VPS13B: variants seen among roughly 807,000 people sequenced by gnomAD.
The protein encoded by VPS13B is intermembrane lipid transfer protein VPS13B.
Under a neutral mutation model 426.4 loss-of-function variants are expected in VPS13B, and 285 were observed. The observed-to-expected ratio is 0.67, with a 90% CI of 0.61 to 0.74. VPS13B has a LOEUF of 0.74. Among genes scored for constraint, VPS13B ranks in the 30% least tolerant of loss-of-function variants. The pLI is 0.00. For missense variants in VPS13B, 4,537 were observed against 4,782.6 expected, an observed-to-expected ratio of 0.95 and a Z score of 1.51; for synonymous variants, 1,676 against 1,676.4, an observed-to-expected ratio of 1.00 and a Z score of 0.01.
At chr8:99,850,034 T>C (rs1008189246) in intron 55 of VPS13B, among the ~76,000 whole-genome samples, 4 of 2,082 alleles carry the variant, frequency 1.9e-3, no homozygotes, top group Admixed American at 0.01. Context: ...TAAGTACGCA[T>C]GTATGTACTT....
At chr8:99,015,438 G>A (rs1005497598) in intron 2 of VPS13B, among the ~76,000 whole-genome samples, 1 of 150,704 alleles carries the variant, frequency 6.6e-6, no homozygotes, top group East Asian at 2.0e-4. Context: ...GGATGGTCTC[G>A]ATCTCCTGAC....
At chr8:99,282,185 C>T (rs1339064560) in intron 19 of VPS13B, among the ~76,000 whole-genome samples, 2 of 152,080 alleles carry the variant, frequency 1.3e-5, no homozygotes, top group African/African-American at 4.8e-5. Context: ...TTTACAAAAG[C>T]CTCCACCACC....
intron 19 of VPS13B, chr8:99,347,588 G>T (rs1811610547): frequency 6.6e-6 from 1 of 152,280 alleles, no homozygotes; most frequent in South Asian, 2.1e-4. Context: ...CAGTACGCGT[G>T]TGCCACCTTC....
At chr8:99,703,292 A>G (rs942175287) in intron 36 of VPS13B, among the ~76,000 whole-genome samples, 3 of 152,114 alleles carry the variant, frequency 2.0e-5, no homozygotes, top group African/African-American at 7.2e-5. Context: ...TTAACCCTAA[A>G]CTATGGGAGT....
intron 35 of VPS13B, among the ~76,000 whole-genome samples, chr8:99,680,953 A>G (rs965391529): frequency 1.3e-5 from 2 of 152,224 alleles, no homozygotes; most frequent in African/African-American, 2.4e-5. Context: ...TTTTAAAAGT[A>G]TCAAAAAACA....
intron 30 of VPS13B, among the ~76,000 whole-genome samples, chr8:99,537,996 A>T (rs1025963220): frequency 6.6e-6 from 1 of 152,194 alleles, no homozygotes; most frequent in African/African-American, 2.4e-5. Context: ...CTCATGAAAG[A>T]GATTATTCAA....
chr8:99,121,384 CTT>C lies in VPS13B; in HGVS notation c.1147_1148del (p.Leu383GlufsTer26). On this transcript the variant is annotated frameshift_variant, in exon 8 of 62. Coordinates refer to ENST00000357162, the MANE Select transcript of VPS13B (RefSeq NM_152564.5). LOFTEE classifies it high-confidence loss of function. ...ACCATGCATCAACAAAAAGCACAGA[CTT>C]TGAAGGATCCTATTGTTTCTATAGG... The C allele has an allele frequency of 6.2e-7, 1 of 1,614,176 alleles. No homozygotes were observed. Among genetic ancestry groups the C allele is most frequent in the Non-Finnish European group, 8.5e-7 (1 of 1,180,020 alleles).
At chr8:99,473,971 C>CGTTG (rs1819548979) in intron 24 of VPS13B, among the ~76,000 whole-genome samples, 1 of 152,028 alleles carries the variant, frequency 6.6e-6, no homozygotes, top group African/African-American at 2.4e-5. Flanking sequence ...AACCATAAAG[C>CGTTG]GTTGCTGAGA....
At chr8:99,326,312 C>T (rs951626663) in intron 19 of VPS13B, among the ~76,000 whole-genome samples, 4 of 151,932 alleles carry the variant, frequency 2.6e-5, no homozygotes, top group Admixed American at 1.3e-4. Flanking sequence ...TCTTATTTCC[C>T]AACTATATTC....
chr8:99,186,421 T>C (rs528993444), intron 16 of VPS13B, among the ~76,000 whole-genome samples: 34 of 152,098 alleles, frequency 2.2e-4, no homozygotes, highest in Non-Finnish European at 4.7e-4. Context: ...CTTTAAAAAA[T>C]TTTTTGAGGT....
chr8:99,119,573 A>G (rs1588058411), intron 7 of VPS13B: 1 of 152,078 alleles, frequency 6.6e-6, no homozygotes, highest in South Asian at 2.1e-4. Context: ...TGCACCTTAT[A>G]TAAAACTTAT....
Position 99,720,931 on chromosome 8 carries a change from A to G in VPS13B, c.6934A>G (p.Met2312Val), listed in dbSNP as rs1218594547. ...YNETEDCPGM[M>V]LWRYPEPRVL... Reference sequence around the variant, plus strand: ...TGAAACTGAAGATTGCCCAGGGATGATGTTATGGAGATATCCAGAACCTAG... The same window carrying G: ...TGAAACTGAAGATTGCCCAGGGATGGTGTTATGGAGATATCCAGAACCTAG... Residue 2312 changes from methionine to valine, a missense_variant, in exon 39 of 62, where the codon ATG becomes GTG. Around this residue, in one of 2 missense-constraint regions of VPS13B, gnomAD observed 4,311 missense variants for 4,474.3 expected, o/e 0.96. Coordinates refer to ENST00000357162, the MANE Select transcript of VPS13B (RefSeq NM_152564.5). 1 of 1,613,924 alleles carries G rather than the reference A, an allele frequency of 6.2e-7. No individual in the cohort carries two copies. The highest frequency in any genetic ancestry group is 1.7e-5 in the Admixed American group (1 of 59,996).
intron 16 of VPS13B, among the ~76,000 whole-genome samples, chr8:99,175,036 G>A (rs531522408): frequency 2.6e-4 from 39 of 152,028 alleles, no homozygotes; most frequent in African/African-American, 9.4e-4. Flanking sequence ...GAAAACCATC[G>A]AATTAGGAGT....
At chr8:99,510,164 A>C (rs1425007628) in intron 28 of VPS13B, among the ~76,000 whole-genome samples, 4 of 152,246 alleles carry the variant, frequency 2.6e-5, no homozygotes, top group East Asian at 1.9e-4. Context: ...ATATTGTTAC[A>C]TCACATTACT....
intron 39 of VPS13B, among the ~76,000 whole-genome samples, chr8:99,724,652 A>G (rs1486811746): frequency 6.6e-6 from 1 of 152,144 alleles, no homozygotes; most frequent in Non-Finnish European, 1.5e-5. Context: ...TTAAATAAAT[A>G]AATGCATTAC....
chr8:99,505,615 T>A (rs926281392), intron 27 of VPS13B, among the ~76,000 whole-genome samples: 6 of 152,114 alleles, frequency 3.9e-5, no homozygotes, highest in Non-Finnish European at 8.8e-5. Flanking sequence ...TATGATAATG[T>A]CAAAAATCAC....
At chr8:99,602,317 G>C (rs1356047182) in intron 33 of VPS13B, among the ~76,000 whole-genome samples, 4 of 152,128 alleles carry the variant, frequency 2.6e-5, no homozygotes, top group Non-Finnish European at 5.9e-5. Context: ...TAGATGGGTG[G>C]TGTTATTTCT....
At chr8:99,788,028 G>A (rs374116375) in intron 43 of VPS13B, among the ~76,000 whole-genome samples, 20 of 151,846 alleles carry the variant, frequency 1.3e-4, no homozygotes, top group Admixed American at 4.6e-4. Context: ...TGAATATAAC[G>A]GAAGTTTCAT....
At chr8:99,321,565 G>A (rs1293931639) in intron 19 of VPS13B, among the ~76,000 whole-genome samples, 1 of 151,928 alleles carries the variant, frequency 6.6e-6, no homozygotes, top group Non-Finnish European at 1.5e-5. Flanking sequence ...ATTAGATAAG[G>A]GACATGATAT....
Sources: allele counts gnomAD v4.1 joint callset (sites outside exome capture counted in the v4.1 genomes callset), GRCh38; gene constraint gnomAD v4.1.1; regional missense constraint gnomAD v4.1.1; transcripts MANE v1.5; gene names NCBI Gene and HGNC (gene_info 2026-07-23, HGNC 2026-07-21).